CNTNAP2: variants seen among roughly 807,000 people sequenced by gnomAD.
CNTNAP2 encodes contactin-associated protein-like 2.
In CNTNAP2, 98 loss-of-function variants were observed where a neutral mutation model predicts 155.2. The ratio of observed to expected loss-of-function variants is 0.63; its 90% CI spans 0.54 to 0.75. The LOEUF (loss-of-function observed/expected upper bound fraction) is 0.75, where lower values mean the gene tolerates loss of function less well. Among genes scored for constraint, CNTNAP2 ranks in the 30% least tolerant of loss-of-function variants. CNTNAP2 has a pLI of 0.00. For synonymous variants in CNTNAP2, 651 were observed against 631.2 expected, an observed-to-expected ratio of 1.03 and a Z score of -0.47; for missense variants, 1,727 against 1,688.1, an observed-to-expected ratio of 1.02 and a Z score of -0.40.
In CNTNAP2 at chr7:148,322,763, A is replaced by AGTTTT. The variant is rs763854817; in HGVS notation, c.3475+55656_3475+55660dup. 2.7e-3 allele frequency among the ~76,000 whole-genome samples: 337 copies of AGTTTT among 123,190 alleles called. 3 individuals are homozygous for AGTTTT. Among genetic ancestry groups the AGTTTT allele is most frequent in the Middle Eastern group, 0.025 (5 of 202 alleles). 80.8% of individuals were successfully genotyped at this position (123,190 alleles called of 152,430 possible). On this transcript the variant is annotated intron_variant, in intron 21 of 23. Transcript: ENST00000361727. ...TCTCCAAGCTCTTGCCTAAATAAGT[A>AGTTTT]GTTTTGTTTTGTTTTGTTTTGTTGT...
intron 1 of CNTNAP2, among the ~76,000 whole-genome samples, chr7:146,294,434 A>G (rs1355878837): frequency 6.6e-6 from 1 of 152,182 alleles, no homozygotes; most frequent in Admixed American, 6.5e-5. Flanking sequence ...GGAGGACCAC[A>G]TAATCAGCCA....
chr7:147,786,027 C>T (rs925620968), intron 13 of CNTNAP2, among the ~76,000 whole-genome samples: 2 of 151,996 alleles, frequency 1.3e-5, no homozygotes, highest in African/African-American at 4.8e-5. Flanking sequence ...CACGGTGGCT[C>T]ATGCCTGTAA....
chr7:146,488,775 C>T lies in CNTNAP2; in HGVS notation c.98-285496C>T, dbSNP rs148767064. On this transcript the variant is annotated intron_variant, in intron 1 of 23. Coordinates refer to ENST00000361727, the MANE Select transcript of CNTNAP2 (RefSeq NM_014141.6). ...GCCCAAGTAGCTGGGATTTCAGGCA[C>T]GTGCCACCACGCCTGGCTAGTTTTT... is the stretch of plus-strand genomic sequence containing the variant. Among the ~76,000 whole-genome samples, 4 of 152,070 alleles carry T rather than the reference C, an allele frequency of 2.6e-5. No individual in the cohort carries two copies. The East Asian group carries it at 5.8e-4, about 22-fold the overall frequency.
intron 2 of CNTNAP2, among the ~76,000 whole-genome samples, chr7:146,802,655 C>T (rs988262198): frequency 2.0e-5 from 3 of 152,236 alleles, no homozygotes; most frequent in Admixed American, 6.5e-5. Context: ...CTTCACCATC[C>T]GCCATGATTG....
intron 3 of CNTNAP2, among the ~76,000 whole-genome samples, chr7:146,985,707 A>C (rs74498325): frequency 1.3e-5 from 2 of 152,118 alleles, no homozygotes; most frequent in African/African-American, 4.8e-5. Flanking sequence ...CACAGTCGAT[A>C]AGTTTTTCAC....
chr7:147,787,661 TAGC>T (rs1194148726), intron 13 of CNTNAP2, among the ~76,000 whole-genome samples: 1 of 152,184 alleles, frequency 6.6e-6, no homozygotes, highest in Non-Finnish European at 1.5e-5. Context: ...GTTTGTAAAA[TAGC>T]AGACTTTTAA....
At chr7:148,272,598 TA>T (rs757406953) in intron 21 of CNTNAP2, among the ~76,000 whole-genome samples, 1 of 152,082 alleles carries the variant, frequency 6.6e-6, no homozygotes, top group Non-Finnish European at 1.5e-5. Flanking sequence ...ATAAAAATAA[TA>T]AGATGAAATG....
At chr7:146,468,195 C>T (rs1190727301) in intron 1 of CNTNAP2, among the ~76,000 whole-genome samples, 1 of 152,044 alleles carries the variant, frequency 6.6e-6, no homozygotes, top group Non-Finnish European at 1.5e-5. Context: ...AATAATAACA[C>T]AGTATGATAA....
At chr7:146,610,998 A>T (rs1489681375) in intron 1 of CNTNAP2, among the ~76,000 whole-genome samples, 1 of 152,260 alleles carries the variant, frequency 6.6e-6, no homozygotes, top group African/African-American at 2.4e-5. Flanking sequence ...CTAAAAGAGC[A>T]TCAGAAATGG....
chr7:148,273,400 A>G (rs1796816992), intron 21 of CNTNAP2, among the ~76,000 whole-genome samples: 2 of 152,242 alleles, frequency 1.3e-5, no homozygotes, highest in South Asian at 4.1e-4. Flanking sequence ...AAGAATATCA[A>G]TGTACAGCGA....
At chr7:146,483,326 T>TATATATATATATATAC (rs1554439604) in intron 1 of CNTNAP2, among the ~76,000 whole-genome samples, 27 of 79,228 alleles carry the variant, frequency 3.4e-4, no homozygotes, top group Non-Finnish European at 5.4e-4. Context: ...TATATATATA[T>TATATATATATATATAC]ATACATATAT....
intron 1 of CNTNAP2, among the ~76,000 whole-genome samples, chr7:146,455,179 G>A (rs936757428): frequency 3.3e-5 from 5 of 152,128 alleles, no homozygotes; most frequent in Non-Finnish European, 7.4e-5. Flanking sequence ...ATGCAACATT[G>A]CCCTAGATGT....
intron 5 of CNTNAP2, among the ~76,000 whole-genome samples, chr7:147,120,121 C>A (rs1801073042): frequency 6.6e-6 from 1 of 152,222 alleles, no homozygotes; most frequent in Non-Finnish European, 1.5e-5. Flanking sequence ...ATGCCATTAA[C>A]AATTGCATAT....
intron 1 of CNTNAP2, among the ~76,000 whole-genome samples, chr7:146,551,833 T>A (rs1177113559): frequency 6.6e-6 from 1 of 152,116 alleles, no homozygotes; most frequent in Admixed American, 6.6e-5. Flanking sequence ...TTTTCTTCCC[T>A]CTTTTCCTTC....
At chr7:146,596,556 C>A (rs1273856949) in intron 1 of CNTNAP2, among the ~76,000 whole-genome samples, 5 of 150,076 alleles carry the variant, frequency 3.3e-5, no homozygotes. Flanking sequence ...GCCACATTCA[C>A]CCCCCCAGCC....
chr7:146,967,473 G>C (rs566327476), intron 3 of CNTNAP2, among the ~76,000 whole-genome samples: 203 of 152,176 alleles, frequency 1.3e-3, no homozygotes, highest in African/African-American at 2.6e-3. Flanking sequence ...TTTGTATCCT[G>C]TTTTATTTCA....
At chr7:147,859,649 A>T (rs1799104299) in intron 13 of CNTNAP2, among the ~76,000 whole-genome samples, 1 of 152,176 alleles carries the variant, frequency 6.6e-6, no homozygotes, top group African/African-American at 2.4e-5. Context: ...TAATTATGGG[A>T]GTCCCTGTGG....
chr7:148,039,178 A>C (rs1351561712), intron 15 of CNTNAP2, among the ~76,000 whole-genome samples: 2 of 151,990 alleles, frequency 1.3e-5, no homozygotes, highest in Non-Finnish European at 2.9e-5. Flanking sequence ...TATTGGTGTA[A>C]CTCTTAGTCT....
chr7:146,901,739 T>C (rs753873799), intron 3 of CNTNAP2, among the ~76,000 whole-genome samples: 1 of 152,190 alleles, frequency 6.6e-6, no homozygotes, highest in African/African-American at 2.4e-5. Context: ...TGGGGAAATA[T>C]CAGGACTCTG....
Sources: allele counts gnomAD v4.1 joint callset (sites outside exome capture counted in the v4.1 genomes callset), GRCh38; gene constraint gnomAD v4.1.1; transcripts MANE v1.5; gene names NCBI Gene and HGNC (gene_info 2026-07-23, HGNC 2026-07-21).